EPM2A: variants seen among roughly 807,000 people sequenced by gnomAD.
EPM2A encodes EPM2A glucan phosphatase, laforin, also known as laforin.
A neutral mutation model predicts 26.5 loss-of-function variants in EPM2A; 21 were observed. The ratio of observed to expected loss-of-function variants is 0.79; its 90% confidence interval spans 0.56 to 1.14. EPM2A has a LOEUF of 1.14. Ranked by LOEUF, EPM2A falls within the 50% of genes most tolerant of loss-of-function variation. EPM2A has a pLI of 0.00. For missense variants in EPM2A, 458 were observed against 440.8 expected (o/e 1.04, Z -0.35); for synonymous variants, 217 against 177.6 (o/e 1.22, Z -1.76).
intron 2 of EPM2A, among the ~76,000 whole-genome samples, chr6:145,672,860 G>A (rs76509098): frequency 6.6e-6 from 1 of 152,178 alleles, no homozygotes; most frequent in East Asian, 1.9e-4. Flanking sequence ...AAGTAGTATA[G>A]AAGGAAAGAC....
At chr6:145,428,742 T>C (rs1778884717) in intron 4 of EPM2A, among the ~76,000 whole-genome samples, 1 of 152,226 alleles carries the variant, frequency 6.6e-6, no homozygotes, top group African/African-American at 2.4e-5. Flanking sequence ...GTAGAAAAGA[T>C]ACTGCAGAAG....
At chr6:145,537,776 C>T (rs1326181223) in intron 2 of EPM2A, among the ~76,000 whole-genome samples, 1 of 151,918 alleles carries the variant, frequency 6.6e-6, no homozygotes, top group Admixed American at 6.6e-5. Context: ...CGACAGGCCC[C>T]AGTGTGTGTT....
At chr6:145,699,048 C>T (rs2128623967) in intron 1 of EPM2A, among the ~76,000 whole-genome samples, 1 of 152,258 alleles carries the variant, frequency 6.6e-6, no homozygotes, top group South Asian at 2.1e-4. Flanking sequence ...TTTGTTATGG[C>T]AGTCCTAGCA....
chr6:145,615,009 T>C (rs1051000737), intron 2 of EPM2A, among the ~76,000 whole-genome samples: 5 of 152,164 alleles, frequency 3.3e-5, no homozygotes, highest in African/African-American at 7.2e-5. Flanking sequence ...CCTGTGTACT[T>C]AGTACACACA....
At chr6:145,590,926 T>C (rs1272167924) in intron 2 of EPM2A, among the ~76,000 whole-genome samples, 1 of 152,098 alleles carries the variant, frequency 6.6e-6, no homozygotes, top group Non-Finnish European at 1.5e-5. Context: ...GATTTTGAAA[T>C]ATCAAACAGA....
intron 2 of EPM2A, among the ~76,000 whole-genome samples, chr6:145,514,353 T>A (rs1363492384): frequency 6.6e-6 from 1 of 151,992 alleles, no homozygotes; most frequent in African/African-American, 2.4e-5. Flanking sequence ...GAGAGACAGA[T>A]TATAAGTTAA....
chr6:145,734,274 G>A (rs1042748922), intron 1 of EPM2A, among the ~76,000 whole-genome samples: 1 of 151,994 alleles, frequency 6.6e-6, no homozygotes, highest in African/African-American at 2.4e-5. Flanking sequence ...ACATATCTAC[G>A]TGTAGTGACA....
intron 4 of EPM2A, among the ~76,000 whole-genome samples, chr6:145,445,176 T>A (rs1418712514): frequency 6.6e-6 from 1 of 152,160 alleles, no homozygotes; most frequent in African/African-American, 2.4e-5. Context: ...GAACTTTCTC[T>A]AGTTTTTTTT....
chr6:145,617,420 T>C (rs1360491995), intron 2 of EPM2A, among the ~76,000 whole-genome samples: 1 of 152,158 alleles, frequency 6.6e-6, no homozygotes, highest in Non-Finnish European at 1.5e-5. Context: ...ACAAAGAGGA[T>C]AGGCTAAAAA....
At chr6:145,703,970 C>T (rs1410979010) in intron 1 of EPM2A, among the ~76,000 whole-genome samples, 3 of 152,132 alleles carry the variant, frequency 2.0e-5, no homozygotes, top group Admixed American at 6.5e-5. Flanking sequence ...AAAGGACATC[C>T]ATCAGCTTAA....
rs1343257629 is a variant in EPM2A at position 145,671,435 on chromosome 6, T to C, written c.476+14687A>G. The C allele has an allele frequency of 1.6e-5, 16 of 981,682 alleles. 1 individual carries two copies. The highest frequency in any genetic ancestry group is 1.4e-4 in the South Asian group (3 of 21,382). 60.8% of individuals were successfully genotyped at this position (981,682 alleles called of 1,614,324 possible). ...AGAAGCTGATATGAACTATAGTCAT[T>C]GTGAGTCAATATTACATGTTGGCAA... On this transcript the variant is annotated intron_variant, in intron 2 of 3. Coordinates refer to ENST00000367519, the MANE Select transcript of EPM2A (RefSeq NM_005670.4).
intron 2 of EPM2A, chr6:145,638,359 T>C (rs74807520): frequency 7.0e-4 from 106 of 152,310 alleles, no homozygotes; most frequent in African/African-American, 2.5e-3. Flanking sequence ...AGTCAGTCTA[T>C]AGAGTCACAT....
chr6:145,429,507 T>C (rs1582748471), intron 4 of EPM2A, among the ~76,000 whole-genome samples: 1 of 151,884 alleles, frequency 6.6e-6, no homozygotes, highest in East Asian at 1.9e-4. Context: ...AATTTCATCA[T>C]GATAAACCTT....
rs79618868 is a variant in EPM2A at position 145,512,332 on chromosome 6, T to G, written c.341-9757A>C. Among the ~76,000 whole-genome samples the G allele has an allele frequency of 4.8e-3, 731 of 152,204 alleles. 25 individuals are homozygous for G. In the East Asian group the frequency reaches 0.087, roughly 18 times the overall value. ...AAGAACAAATCTGAAGACATCACCT[T>G]GACTGACTTCAAATTATACTACAAG... On this transcript the variant is annotated intron_variant, in intron 2 of 3. Transcript: ENST00000450221.
chr6:145,729,423 G>A (rs1433064063), intron 1 of EPM2A, among the ~76,000 whole-genome samples: 4 of 152,212 alleles, frequency 2.6e-5, no homozygotes, highest in African/African-American at 9.6e-5. Context: ...AAAGCCACAG[G>A]GGCAGAGATG....
At chr6:145,459,949 G>A (rs1054868811) in intron 4 of EPM2A, among the ~76,000 whole-genome samples, 1 of 152,108 alleles carries the variant, frequency 6.6e-6, no homozygotes, top group African/African-American at 2.4e-5. Context: ...GGAAACAGAG[G>A]TCCAGACCAG....
At chr6:145,690,796 G>T (rs1463170494) in intron 1 of EPM2A, among the ~76,000 whole-genome samples, 1 of 152,046 alleles carries the variant, frequency 6.6e-6, no homozygotes, top group African/African-American at 2.4e-5. Flanking sequence ...AATGGAAGAT[G>T]AAAAGAGGAA....
rs146221649 is a variant in EPM2A at position 145,529,038 on chromosome 6, T to A, written c.341-26463A>T. ...AAAACAAGAAAATAACTAGAGTCAG[T>A]CGTGGAGCCTAAAGATGTGACTGAA... On this transcript the variant is annotated intron_variant, in intron 2 of 3. Coordinates refer to the EPM2A transcript ENST00000450221. Among the ~76,000 whole-genome samples the A allele has an allele frequency of 6.6e-5, 10 of 152,208 alleles. No homozygotes were observed. The East Asian group carries it at 7.7e-4, about 12-fold the overall frequency.
At chr6:145,662,942 C>T (rs1215908205) in intron 2 of EPM2A, among the ~76,000 whole-genome samples, 2 of 152,120 alleles carry the variant, frequency 1.3e-5, no homozygotes, top group Non-Finnish European at 2.9e-5. Flanking sequence ...ATCTTAAGAC[C>T]TTGGAGAGGT....
Sources: allele counts gnomAD v4.1 joint callset (sites outside exome capture counted in the v4.1 genomes callset), GRCh38; gene constraint gnomAD v4.1.1; transcripts MANE v1.5; gene names NCBI Gene and HGNC (gene_info 2026-07-23, HGNC 2026-07-21).